The following DAB1 variants were observed in gnomAD, a reference collection of about 807,000 sequenced individuals.
DAB1 encodes the protein disabled homolog 1.
In DAB1, 15 loss-of-function variants were observed where a neutral mutation model predicts 64.6. The observed-to-expected ratio is 0.23, with a 90% CI of 0.16 to 0.36. The LOEUF (loss-of-function observed/expected upper bound fraction) is 0.36, where lower values mean the gene tolerates loss of function less well. Among genes scored for constraint, DAB1 ranks in the 10% least tolerant of loss-of-function variants. DAB1 has a pLI of 1.00. For missense variants in DAB1, 596 were observed against 706.7 expected, an observed-to-expected ratio of 0.84 and a Z score of 1.78; for synonymous variants, 235 against 251.9, an observed-to-expected ratio of 0.93 and a Z score of 0.64.
At chr1:57,182,230 G>T (rs1432601193) in intron 2 of DAB1, among the ~76,000 whole-genome samples, 2 of 152,172 alleles carry the variant, frequency 1.3e-5, no homozygotes, top group East Asian at 3.8e-4. Flanking sequence ...AGTACTTGAG[G>T]AATTGTAGTA....
Position 57,569,758 on chromosome 1 carries a change from A to G in DAB1, n.625+79834T>C, listed in dbSNP as rs547177477. On this transcript the variant is annotated intron_variant and non_coding_transcript_variant, in intron 7 of 20. Coordinates refer to the DAB1 transcript ENST00000485760. ...ACCTAAAGTATACTAATAAAAAAAA[A>G]GAAAATATCTTCATTTTATTTCCTT... Among the ~76,000 whole-genome samples the G allele has an allele frequency of 2.0e-5, 3 of 152,306 alleles. No homozygotes were observed. The South Asian group carries it at 6.2e-4, about 32-fold the overall frequency.
chr1:58,070,485 C>T (rs1412138819), intron 5 of DAB1, among the ~76,000 whole-genome samples: 8 of 152,226 alleles, frequency 5.3e-5, no homozygotes, highest in East Asian at 3.9e-4. Context: ...GGGGCAGGAG[C>T]GGGGCAAGAA....
intron 7 of DAB1, among the ~76,000 whole-genome samples, chr1:57,521,206 AT>A (rs1644521903): frequency 6.6e-6 from 1 of 152,098 alleles, no homozygotes; most frequent in African/African-American, 2.4e-5. Flanking sequence ...TATCCTCTGG[AT>A]TTTTCAGTTC....
chr1:57,630,133 G>T (rs924458674), intron 7 of DAB1, among the ~76,000 whole-genome samples: 3 of 152,112 alleles, frequency 2.0e-5, no homozygotes, highest in Non-Finnish European at 2.9e-5. Flanking sequence ...ATAAGAGGGA[G>T]AAATCACTCA....
At chr1:57,700,884 T>G (rs999350406) in intron 6 of DAB1, among the ~76,000 whole-genome samples, 2 of 152,214 alleles carry the variant, frequency 1.3e-5, no homozygotes, top group African/African-American at 4.8e-5. Context: ...CTGCTTTCTT[T>G]TTTTCCTCTG....
chr1:57,051,742 C>G (rs966245837), intron 9 of DAB1, among the ~76,000 whole-genome samples: 2 of 152,132 alleles, frequency 1.3e-5, no homozygotes, highest in African/African-American at 4.8e-5. Context: ...CAGAGTGAAG[C>G]TTCATGGATG....
At chr1:58,104,014 C>G (rs1203222558) in intron 5 of DAB1, among the ~76,000 whole-genome samples, 1 of 152,200 alleles carries the variant, frequency 6.6e-6, no homozygotes, top group African/African-American at 2.4e-5. Flanking sequence ...GAAGAATCAG[C>G]TTCTGCTCCA....
intron 4 of DAB1, among the ~76,000 whole-genome samples, chr1:58,326,278 T>C (rs1662822670): frequency 6.6e-6 from 1 of 152,198 alleles, no homozygotes. Flanking sequence ...TTTAAATAAC[T>C]CAGTGGGGCC....
chr1:57,417,367 G>C (rs1054914266), intron 1 of DAB1, among the ~76,000 whole-genome samples: 1 of 152,100 alleles, frequency 6.6e-6, no homozygotes, highest in Non-Finnish European at 1.5e-5. Flanking sequence ...AGGAACACTA[G>C]GCATAAATGG....
chr1:58,367,462 C>A (rs1225450127), intron 3 of DAB1, among the ~76,000 whole-genome samples: 2 of 152,152 alleles, frequency 1.3e-5, no homozygotes, highest in Non-Finnish European at 2.9e-5. Flanking sequence ...GGAGTGCAGG[C>A]CATGCCCCAC....
chr1:57,543,586 A>G (rs1396291450), intron 7 of DAB1, among the ~76,000 whole-genome samples: 2 of 152,148 alleles, frequency 1.3e-5, no homozygotes, highest in Non-Finnish European at 2.9e-5. Context: ...TAGAGTAAAA[A>G]CACAAAGTCC....
At chr1:57,320,231 G>A (rs1675591440) in intron 1 of DAB1, among the ~76,000 whole-genome samples, 1 of 152,122 alleles carries the variant, frequency 6.6e-6, no homozygotes. Flanking sequence ...CTTATGCCAT[G>A]ATTCTAAGAA....
intron 1 of DAB1, among the ~76,000 whole-genome samples, chr1:57,395,473 T>A (rs766799067): frequency 6.6e-6 from 1 of 152,174 alleles, no homozygotes; most frequent in Admixed American, 6.5e-5. Context: ...AAAGAAGGAA[T>A]GAACACCCCT....
intron 6 of DAB1, among the ~76,000 whole-genome samples, chr1:57,744,490 A>C (rs1648166992): frequency 6.6e-6 from 1 of 151,974 alleles, no homozygotes; most frequent in Admixed American, 6.6e-5. Flanking sequence ...TATTTTATTC[A>C]TTTAGTCTCC....
At chr1:58,069,743 A>G (rs2100568082) in intron 5 of DAB1, among the ~76,000 whole-genome samples, 1 of 152,304 alleles carries the variant, frequency 6.6e-6, no homozygotes, top group African/African-American at 2.4e-5. Flanking sequence ...CACGAACCCA[A>G]TGAGATAAAA....
chr1:58,491,489 G>C (rs1234632653), intron 3 of DAB1, among the ~76,000 whole-genome samples: 2 of 152,106 alleles, frequency 1.3e-5, no homozygotes, highest in African/African-American at 4.8e-5. Context: ...AAAGAGTCAA[G>C]ACCCATCAGT....
intron 1 of DAB1, among the ~76,000 whole-genome samples, chr1:57,414,255 T>C (rs755024423): frequency 2.4e-4 from 36 of 152,300 alleles, no homozygotes; most frequent in Admixed American, 3.9e-4. Flanking sequence ...TGTGACAAAC[T>C]TCATTATTGT....
At chr1:57,070,004 C>T (rs1570633759) in intron 7 of DAB1, among the ~76,000 whole-genome samples, 1 of 152,206 alleles carries the variant, frequency 6.6e-6, no homozygotes, top group East Asian at 1.9e-4. Context: ...TCTGTGCAAG[C>T]CAGTGAGCAA....
intron 7 of DAB1, among the ~76,000 whole-genome samples, chr1:57,481,033 T>C (rs1205478720): frequency 2.6e-5 from 4 of 152,190 alleles, no homozygotes; most frequent in African/African-American, 9.7e-5. Context: ...AACTTATGAC[T>C]GACAAAGTTG....
Sources: gnomAD v4.1 joint callset for allele counts (sites outside exome capture counted in the v4.1 genomes callset) on GRCh38, gnomAD v4.1.1 for gene constraint, MANE v1.5 for transcripts, NCBI Gene and HGNC (gene_info 2026-07-23, HGNC 2026-07-21) for gene names.